Variants in ZNF704 observed in about 807,000 individuals in gnomAD.
ZNF704 encodes zinc finger protein 704.
ZNF704 carries 10 observed loss-of-function variants against 44.7 expected under a neutral mutation model. That is an observed-to-expected ratio of 0.22 (90% CI 0.14 to 0.38). The LOEUF is 0.38. Ranked by LOEUF, ZNF704 falls within the 10% of genes least tolerant of loss-of-function variation. The pLI is 1.00. For missense variants in ZNF704, 390 were observed against 545.5 expected, an observed-to-expected ratio of 0.71 and a Z score of 2.84; for synonymous variants, 211 against 207.6, an observed-to-expected ratio of 1.02 and a Z score of -0.14.
At chr8:80,850,944 T>C (rs1203662546) in intron 1 of ZNF704, among the ~76,000 whole-genome samples, 3 of 152,214 alleles carry the variant, frequency 2.0e-5, no homozygotes, top group South Asian at 2.1e-4. Flanking sequence ...CAGTTGCACA[T>C]TGCTTAACAA....
rs189779663 is a variant in ZNF704 at position 80,731,310 on chromosome 8, C to T, written c.222-38203G>A. Among the ~76,000 whole-genome samples, 191 of 152,160 alleles carry T rather than the reference C, an allele frequency of 1.3e-3. 1 individual carries two copies. The highest frequency in any genetic ancestry group is 1.4e-3 in the Non-Finnish European group (96 of 68,010). On this transcript the variant is annotated intron_variant, in intron 2 of 8. Coordinates refer to ENST00000327835, the MANE Select transcript of ZNF704 (RefSeq NM_001033723.3). ...AAAATTGGCAGTTTTTCTAAATAAACGAGCTGGGTATATATCAAATTAACT... is the reference window on the plus strand; with the variant it reads ...AAAATTGGCAGTTTTTCTAAATAAATGAGCTGGGTATATATCAAATTAACT...
intron 4 of ZNF704, among the ~76,000 whole-genome samples, chr8:80,682,735 G>C (rs1025271150): frequency 2.6e-5 from 4 of 152,224 alleles, no homozygotes; most frequent in African/African-American, 4.8e-5. Flanking sequence ...GGTGGGGGAG[G>C]GGGGAGGAGG....
At chr8:80,739,850 AG>A (rs1806727236) in intron 2 of ZNF704, among the ~76,000 whole-genome samples, 1 of 152,172 alleles carries the variant, frequency 6.6e-6, no homozygotes, top group Non-Finnish European at 1.5e-5. Flanking sequence ...CCTTATGTCA[AG>A]GGAATCACTG....
chr8:80,828,708 A>G (rs889333030), intron 1 of ZNF704, among the ~76,000 whole-genome samples: 1 of 152,254 alleles, frequency 6.6e-6, no homozygotes, highest in East Asian at 1.9e-4. Flanking sequence ...CATTTTCAGA[A>G]TACAAGGAGA....
At chr8:80,864,825 C>G (rs544740434) in intron 1 of ZNF704, among the ~76,000 whole-genome samples, 5 of 152,204 alleles carry the variant, frequency 3.3e-5, no homozygotes, top group African/African-American at 9.6e-5. Context: ...ATTTCCATAG[C>G]AGCTTTAAGA....
intron 7 of ZNF704, among the ~76,000 whole-genome samples, chr8:80,653,032 G>A (rs1299483421): frequency 3.3e-5 from 5 of 151,848 alleles, no homozygotes; most frequent in Admixed American, 6.6e-5. Context: ...ATCAATAAAC[G>A]TAATCCAGCA....
At chr8:80,796,728 G>T (rs956190340) in intron 2 of ZNF704, among the ~76,000 whole-genome samples, 3 of 152,066 alleles carry the variant, frequency 2.0e-5, no homozygotes, top group African/African-American at 7.2e-5. Flanking sequence ...GGGTGTGGTG[G>T]CTCATGCTTG....
At chr8:80,755,275 G>A (rs1807016217) in intron 2 of ZNF704, among the ~76,000 whole-genome samples, 3 of 152,078 alleles carry the variant, frequency 2.0e-5, no homozygotes, top group Non-Finnish European at 4.4e-5. Context: ...GACCAGCCTG[G>A]CCAACAGGGT....
At chr8:80,852,269 G>A (rs925792680) in intron 1 of ZNF704, among the ~76,000 whole-genome samples, 1 of 152,154 alleles carries the variant, frequency 6.6e-6, no homozygotes, top group Admixed American at 6.6e-5. Context: ...GGGAATGAAT[G>A]AAATATTTTG....
At chr8:80,808,087 T>C (rs1808020206) in intron 2 of ZNF704, among the ~76,000 whole-genome samples, 1 of 152,226 alleles carries the variant, frequency 6.6e-6, no homozygotes, top group South Asian at 2.1e-4. Context: ...TCCTGGCCTG[T>C]GCACACATGG....
At position 80,874,392 on chromosome 8, in the gene ZNF704, G is replaced by C. The variant is rs1192260475; in HGVS notation, c.-22+179C>G. Among the ~76,000 whole-genome samples, 1 of 147,404 alleles carries C rather than the reference G, an allele frequency of 6.8e-6. No individual in the cohort carries two copies. Among genetic ancestry groups the C allele is most frequent in the African/African-American group, 2.4e-5 (1 of 41,004 alleles). ...CCATGCGGCCGGCGGCCGAGCCCGCGCGCGCCTCTCCCGGCCGGCTGCGCC... is the reference window on the plus strand; with the variant it reads ...CCATGCGGCCGGCGGCCGAGCCCGCCCGCGCCTCTCCCGGCCGGCTGCGCC... On this transcript the variant is annotated intron_variant, in intron 1 of 8. Coordinates refer to ENST00000327835, the MANE Select transcript of ZNF704 (RefSeq NM_001033723.3). This position sits in a 1 kb window ranked among gnomAD's most constrained non-coding sequence, Gnocchi z 4.4.
chr8:80,756,610 T>A (rs1446399780), intron 2 of ZNF704, among the ~76,000 whole-genome samples: 1 of 152,238 alleles, frequency 6.6e-6, no homozygotes, highest in East Asian at 1.9e-4. Context: ...GAAACTCACT[T>A]GGTTTAACAA....
chr8:80,748,514 G>C (rs1806885388), intron 2 of ZNF704, among the ~76,000 whole-genome samples: 1 of 152,168 alleles, frequency 6.6e-6, no homozygotes, highest in African/African-American at 2.4e-5. Flanking sequence ...TGCCCGGAAG[G>C]ATCTCAGAAG....
At chr8:80,660,678 T>C (rs900624276) in intron 6 of ZNF704, among the ~76,000 whole-genome samples, 1 of 152,054 alleles carries the variant, frequency 6.6e-6, no homozygotes, top group African/African-American at 2.4e-5. Flanking sequence ...GATGAGAACA[T>C]ACACTGGGGA....
intron 2 of ZNF704, among the ~76,000 whole-genome samples, chr8:80,754,008 A>AAGCAG (rs962670473): frequency 7.2e-5 from 11 of 152,148 alleles, no homozygotes; most frequent in African/African-American, 1.9e-4. Context: ...CACCCTAAGC[A>AAGCAG]AGCAGCTGCC....
At chr8:80,714,816 T>C (rs1171231822) in intron 2 of ZNF704, among the ~76,000 whole-genome samples, 1 of 152,150 alleles carries the variant, frequency 6.6e-6, no homozygotes, top group Non-Finnish European at 1.5e-5. Context: ...AAGAGGCAGG[T>C]AGGGCCAGGA....
chr8:80,798,375 C>T (rs1340125220), intron 2 of ZNF704, among the ~76,000 whole-genome samples: 8 of 152,080 alleles, frequency 5.3e-5, no homozygotes, highest in African/African-American at 1.9e-4. Flanking sequence ...CGTGCCTCAG[C>T]CTCCCAAGTA....
In ZNF704 at chr8:80,806,745, G is replaced by A. The variant is rs537416386; in HGVS notation, c.221+14629C>T. ...TGTGCCATGCCACAGACACAGCCTT[G>A]CAAATGCAGGGAATTCTGCCTGATT... On this transcript the variant is annotated intron_variant, in intron 2 of 8. Coordinates refer to ENST00000327835, the MANE Select transcript of ZNF704 (RefSeq NM_001033723.3). Among the ~76,000 whole-genome samples the A allele has an allele frequency of 8.7e-4, 133 of 152,316 alleles. 3 individuals are homozygous for A. The South Asian group carries it at 0.027, about 31-fold the overall frequency.
intron 2 of ZNF704, among the ~76,000 whole-genome samples, chr8:80,731,788 C>T (rs1055307304): frequency 2.0e-5 from 3 of 152,020 alleles, no homozygotes; most frequent in Non-Finnish European, 2.9e-5. Context: ...AACCAGAAAA[C>T]CCCCCAAACA....
Sources: allele counts gnomAD v4.1 joint callset (sites outside exome capture counted in the v4.1 genomes callset), GRCh38; gene constraint gnomAD v4.1.1; non-coding constraint Gnocchi (gnomAD v3.1); transcripts MANE v1.5; gene names NCBI Gene and HGNC (gene_info 2026-07-23, HGNC 2026-07-21).